LSAMP: variants seen among roughly 807,000 people sequenced by gnomAD.
LSAMP encodes limbic system associated membrane protein.
LSAMP carries 7 observed loss-of-function variants against 38.6 expected under a neutral mutation model. The ratio of observed to expected loss-of-function variants is 0.18; its 90% CI spans 0.10 to 0.34. The LOEUF is 0.34. Ranked by LOEUF, LSAMP falls within the 10% of genes least tolerant of loss-of-function variation. LSAMP has a pLI of 1.00. For missense variants in LSAMP, 313 were observed against 420.0 expected (o/e 0.75, Z 2.23); for synonymous variants, 154 against 166.8 (o/e 0.92, Z 0.59).
rs1051075337 is a variant in LSAMP, at chr3:116,030,338, C to T, written c.389-10698G>A. 5.9e-5 allele frequency among the ~76,000 whole-genome samples: 9 copies of T among 152,170 alleles called. No individual in the cohort carries two copies. The South Asian group carries it at 6.2e-4, about 11-fold the overall frequency. Reference sequence around the variant, plus strand: ...GATGTCAAGTGGCTGTTCCCATGGACGGGTCATTGCCTTGCTAAATAAAAG... The same window carrying T: ...GATGTCAAGTGGCTGTTCCCATGGATGGGTCATTGCCTTGCTAAATAAAAG... On this transcript the variant is annotated intron_variant, in intron 2 of 6. Coordinates refer to ENST00000490035, the MANE Select transcript of LSAMP (RefSeq NM_002338.5).
intron 1 of LSAMP, among the ~76,000 whole-genome samples, chr3:116,161,426 T>C (rs1485519808): frequency 6.6e-6 from 1 of 152,220 alleles, no homozygotes; most frequent in Non-Finnish European, 1.5e-5. Context: ...CATCTGTGGT[T>C]AACTCCATTT....
At chr3:116,223,104 A>G (rs2046307168) in intron 1 of LSAMP, among the ~76,000 whole-genome samples, 1 of 151,864 alleles carries the variant, frequency 6.6e-6, no homozygotes, top group Admixed American at 6.6e-5. Flanking sequence ...ATGCCAAGAA[A>G]GCAAATTAAG....
intron 1 of LSAMP, among the ~76,000 whole-genome samples, chr3:116,426,208 C>T (rs2049193050): frequency 2.0e-5 from 3 of 152,052 alleles, no homozygotes; most frequent in African/African-American, 7.3e-5. Context: ...CACATGAGGC[C>T]GGGCGCCATG....
At chr3:116,402,510 G>A (rs2048851975) in intron 1 of LSAMP, among the ~76,000 whole-genome samples, 1 of 151,742 alleles carries the variant, frequency 6.6e-6, no homozygotes, top group Non-Finnish European at 1.5e-5. Context: ...TTCATTCAAA[G>A]TCATTTTAAT....
chr3:116,202,718 C>G (rs1208371490), intron 1 of LSAMP, among the ~76,000 whole-genome samples: 1 of 152,122 alleles, frequency 6.6e-6, no homozygotes, highest in African/African-American at 2.4e-5. Flanking sequence ...GCCACCATAC[C>G]CAAGCACCCT....
intron 2 of LSAMP, among the ~76,000 whole-genome samples, chr3:116,056,600 C>A (rs1429709845): frequency 6.6e-6 from 1 of 152,156 alleles, no homozygotes; most frequent in African/African-American, 2.4e-5. Flanking sequence ...ACTCTCTGAG[C>A]ATAACGCTTA....
At chr3:116,203,623 C>T (rs534921118) in intron 1 of LSAMP, among the ~76,000 whole-genome samples, 4 of 142,950 alleles carry the variant, frequency 2.8e-5, no homozygotes, top group Admixed American at 7.7e-5. Context: ...TTGTTCAATT[C>T]CCACCTATGA....
intron 1 of LSAMP, among the ~76,000 whole-genome samples, chr3:116,168,022 A>T (rs1313590195): frequency 6.6e-6 from 1 of 152,236 alleles, no homozygotes; most frequent in Admixed American, 6.5e-5. Flanking sequence ...CTGTCCCAAC[A>T]GACTCAGCAG....
intron 1 of LSAMP, among the ~76,000 whole-genome samples, chr3:116,198,121 G>A (rs1475443862): frequency 3.3e-5 from 5 of 152,204 alleles, no homozygotes; most frequent in African/African-American, 1.2e-4. Context: ...GATAAGGGCA[G>A]AATGATATGC....
intron 1 of LSAMP, among the ~76,000 whole-genome samples, chr3:116,289,453 C>A (rs890170698): frequency 6.6e-6 from 1 of 152,208 alleles, no homozygotes; most frequent in African/African-American, 2.4e-5. Flanking sequence ...CTAACATTTA[C>A]AGCATGCCTT....
At chr3:115,968,984 G>A (rs1938920022) in intron 3 of LSAMP, among the ~76,000 whole-genome samples, 1 of 152,192 alleles carries the variant, frequency 6.6e-6, no homozygotes, top group Non-Finnish European at 1.5e-5. Context: ...GCAGCACTGA[G>A]TTCCAATGCA....
At chr3:115,908,726 G>C (rs1937070299) in intron 3 of LSAMP, among the ~76,000 whole-genome samples, 1 of 152,120 alleles carries the variant, frequency 6.6e-6, no homozygotes, top group African/African-American at 2.4e-5. Flanking sequence ...AGTGCAAAAA[G>C]CATTAGTTTT....
intron 2 of LSAMP, among the ~76,000 whole-genome samples, chr3:116,057,627 T>A (rs1279821541): frequency 2.0e-5 from 3 of 152,120 alleles, no homozygotes; most frequent in Non-Finnish European, 2.9e-5. Flanking sequence ...TTGGCTCTTT[T>A]TTCTTCTGAG....
intron 1 of LSAMP, among the ~76,000 whole-genome samples, chr3:116,392,452 A>C (rs1323492858): frequency 6.6e-6 from 1 of 152,236 alleles, no homozygotes; most frequent in Non-Finnish European, 1.5e-5. Flanking sequence ...CACTCACGGC[A>C]ACGCTGACAT....
intron 1 of LSAMP, among the ~76,000 whole-genome samples, chr3:116,278,672 C>A (rs553857892): frequency 6.6e-6 from 1 of 152,074 alleles, no homozygotes; most frequent in African/African-American, 2.4e-5. Context: ...ATGAAAATAT[C>A]TAGTAAAGTT....
intron 1 of LSAMP, among the ~76,000 whole-genome samples, chr3:116,273,415 T>A (rs2046999901): frequency 1.3e-5 from 2 of 151,800 alleles, no homozygotes; most frequent in South Asian, 4.2e-4. Context: ...AGAGAGATCA[T>A]AATTACACAT....
intron 1 of LSAMP, among the ~76,000 whole-genome samples, chr3:116,119,484 T>C (rs1366606983): frequency 6.6e-6 from 1 of 152,050 alleles, no homozygotes; most frequent in East Asian, 1.9e-4. Context: ...GAGAAAATTA[T>C]CATAAGAAAG....
intron 1 of LSAMP, among the ~76,000 whole-genome samples, chr3:116,410,916 C>T (rs1383336827): frequency 2.0e-5 from 3 of 152,124 alleles, no homozygotes; most frequent in Admixed American, 6.6e-5. Flanking sequence ...CCTATAGCAG[C>T]TCTATTTCTC....
In LSAMP at chr3:116,017,710, A is replaced by C. The variant is rs146195606; in HGVS notation, c.514+1805T>G. Reference sequence around the variant, plus strand: ...TTCACTGGGTCCTTTCTTAAAAAGCAAACGATTGCTTAGGAAAAAAGAAAG... The same window carrying C: ...TTCACTGGGTCCTTTCTTAAAAAGCCAACGATTGCTTAGGAAAAAAGAAAG... On this transcript the variant is annotated intron_variant, in intron 3 of 6. Transcript: ENST00000490035. Among the ~76,000 whole-genome samples the C allele has an allele frequency of 3.7e-3, 558 of 152,316 alleles. 6 individuals are homozygous for C. The highest frequency in any genetic ancestry group is 0.012 in the African/African-American group (508 of 41,578).
Sources: allele counts gnomAD v4.1 joint callset (sites outside exome capture counted in the v4.1 genomes callset), GRCh38; gene constraint gnomAD v4.1.1; transcripts MANE v1.5; gene names NCBI Gene and HGNC (gene_info 2026-07-23, HGNC 2026-07-21).